SPON1: variants seen among roughly 807,000 people sequenced by gnomAD.
The protein encoded by SPON1 is spondin 1, also known as spondin-1.
SPON1 carries 52 observed loss-of-function variants against 111.7 expected under a neutral mutation model. The observed-to-expected ratio is 0.47, with a 90% CI of 0.37 to 0.59. SPON1 has a LOEUF of 0.59. SPON1 is among the 20% of genes least tolerant of loss of function. SPON1 has a pLI of 0.00. For missense variants in SPON1, 957 were observed against 1,068.5 expected, an observed-to-expected ratio of 0.90 and a Z score of 1.46; for synonymous variants, 410 against 395.8, an observed-to-expected ratio of 1.04 and a Z score of -0.43.
At position 14,172,677 on chromosome 11, in the gene SPON1, G is replaced by A. The variant is rs529297568; in HGVS notation, c.825+37109G>A. Among the ~76,000 whole-genome samples, 7 of 151,776 alleles carry A rather than the reference G, an allele frequency of 4.6e-5. No homozygotes were observed. In the East Asian group the frequency reaches 1.4e-3, roughly 29 times the overall value. On this transcript the variant is annotated intron_variant, in intron 6 of 15. Transcript: ENST00000576479. Reference sequence around the variant, plus strand: ...AGTGCTTCCTTCAGGAGCTCTTTTAGGGCAGGCCTGGTGGTGACAAAATCT... The same window carrying A: ...AGTGCTTCCTTCAGGAGCTCTTTTAAGGCAGGCCTGGTGGTGACAAAATCT...
At chr11:14,246,468 G>C (rs191432970) in intron 7 of SPON1, among the ~76,000 whole-genome samples, 1 of 152,072 alleles carries the variant, frequency 6.6e-6, no homozygotes, top group South Asian at 2.1e-4. Flanking sequence ...ACTATAACAC[G>C]ATCCTTCCAA....
chr11:14,145,930 T>A (rs1277242601), intron 6 of SPON1, among the ~76,000 whole-genome samples: 1 of 152,144 alleles, frequency 6.6e-6, no homozygotes, highest in Non-Finnish European at 1.5e-5. Context: ...GAACAGTGTG[T>A]ATAGCTTGAT....
At chr11:14,093,307 A>G (rs1554923582) in intron 5 of SPON1, among the ~76,000 whole-genome samples, 4 of 152,230 alleles carry the variant, frequency 2.6e-5, no homozygotes, top group African/African-American at 4.8e-5. Flanking sequence ...GAGGCTGGAG[A>G]CATGCCCATT....
intron 6 of SPON1, among the ~76,000 whole-genome samples, chr11:14,179,796 TA>T (rs576906977): frequency 5.4e-4 from 80 of 148,462 alleles, no homozygotes; most frequent in South Asian, 8.5e-4. Flanking sequence ...CAGTAGCACT[TA>T]AAAAAAAAAA....
At chr11:14,006,999 G>A (rs73420248) in intron 2 of SPON1, among the ~76,000 whole-genome samples, 5,781 of 152,166 alleles carry the variant, frequency 0.038, 365 homozygotes, top group African/African-American at 0.13. Context: ...ACTCCCTCTG[G>A]GGGCTCTAGG....
Position 14,259,338 on chromosome 11 carries a change from C to T in SPON1, c.1551C>T (p.Cys517=), listed in dbSNP as rs782174494. The T allele has an allele frequency of 8.7e-6, 14 of 1,613,056 alleles. No homozygotes were observed. The highest frequency in any genetic ancestry group is 3.3e-5 in the Admixed American group (2 of 59,932). ...WITWSPCSIS[C]GMGMRSRERY... ...CCTGGTCGCCCTGCAGCATCTCCTG[C>T]GGCATGGGCATGAGGTCCCGGGAGA... Residue 517 remains cysteine, a synonymous_variant, in exon 12 of 16, where the codon TGC becomes TGT. Coordinates refer to ENST00000576479, the MANE Select transcript of SPON1 (RefSeq NM_006108.4). The surrounding 1 kb of genome is among the most constrained non-coding windows in gnomAD (Gnocchi z 5.0).
At chr11:14,139,299 G>A (rs1847624697) in intron 6 of SPON1, among the ~76,000 whole-genome samples, 1 of 152,154 alleles carries the variant, frequency 6.6e-6, no homozygotes, top group African/African-American at 2.4e-5. Context: ...CATCCCTTAG[G>A]ACTTAGCTTA....
At chr11:13,970,986 A>G (rs1420298102) in intron 1 of SPON1, among the ~76,000 whole-genome samples, 1 of 152,186 alleles carries the variant, frequency 6.6e-6, no homozygotes, top group East Asian at 1.9e-4. Context: ...GCATTAAATC[A>G]TTATTTGTTG....
chr11:14,021,016 T>C (rs1290019958), intron 2 of SPON1, among the ~76,000 whole-genome samples: 1 of 152,188 alleles, frequency 6.6e-6, no homozygotes, highest in African/African-American at 2.4e-5. Flanking sequence ...TTTAAAAGAT[T>C]GTTTATAAGA....
chr11:14,141,992 G>C (rs1452347840), intron 6 of SPON1, among the ~76,000 whole-genome samples: 1 of 152,142 alleles, frequency 6.6e-6, no homozygotes, highest in Non-Finnish European at 1.5e-5. Flanking sequence ...CATTGCCTCT[G>C]AATCAAGATT....
At chr11:13,973,099 G>C (rs549581296) in intron 1 of SPON1, among the ~76,000 whole-genome samples, 2 of 152,250 alleles carry the variant, frequency 1.3e-5, no homozygotes, top group South Asian at 4.2e-4. Flanking sequence ...TGACAGGGAG[G>C]ATAGCTGCCA....
At chr11:14,260,375 C>A (rs1849158135) in intron 13 of SPON1, among the ~76,000 whole-genome samples, 1 of 151,986 alleles carries the variant, frequency 6.6e-6, no homozygotes, top group South Asian at 2.1e-4. Context: ...CGGGGGGGGT[C>A]AGCAGGGAGA....
chr11:14,209,680 G>A (rs1469388166), intron 6 of SPON1, among the ~76,000 whole-genome samples: 1 of 152,140 alleles, frequency 6.6e-6, no homozygotes, highest in Non-Finnish European at 1.5e-5. Context: ...ATTTGGGTTG[G>A]TTCCAAGTCT....
chr11:14,117,541 A>G (rs782146125), intron 5 of SPON1, among the ~76,000 whole-genome samples: 6 of 152,174 alleles, frequency 3.9e-5, no homozygotes, highest in South Asian at 2.1e-4. Flanking sequence ...TTGTTATTAT[A>G]TAGCATACTT....
intron 2 of SPON1, among the ~76,000 whole-genome samples, chr11:14,007,215 G>A (rs570138043): frequency 6.6e-5 from 10 of 152,292 alleles, no homozygotes; most frequent in Admixed American, 4.6e-4. Context: ...ATTGAATGCC[G>A]CCACTTACTT....
intron 3 of SPON1, among the ~76,000 whole-genome samples, chr11:14,042,159 G>T (rs2133813981): frequency 6.6e-6 from 1 of 152,188 alleles, no homozygotes; most frequent in South Asian, 2.1e-4. Context: ...CTTTCAGTGA[G>T]TTATAATAGG....
At chr11:14,012,463 T>C (rs1848412977) in intron 2 of SPON1, among the ~76,000 whole-genome samples, 1 of 152,192 alleles carries the variant, frequency 6.6e-6, no homozygotes, top group Non-Finnish European at 1.5e-5. Context: ...AACTTAGTTA[T>C]GCCAAGCATA....
At chr11:13,979,904 C>T (rs1161241920) in intron 1 of SPON1, among the ~76,000 whole-genome samples, 2 of 152,200 alleles carry the variant, frequency 1.3e-5, no homozygotes, top group Non-Finnish European at 2.9e-5. Context: ...GAGTCTAAGA[C>T]TGCTTTTTGG....
intron 6 of SPON1, among the ~76,000 whole-genome samples, chr11:14,162,860 G>A (rs1261686980): frequency 1.3e-5 from 2 of 152,164 alleles, no homozygotes; most frequent in East Asian, 1.9e-4. Context: ...TCATCCGGAT[G>A]CCCTAGCTCT....
Sources: allele counts gnomAD v4.1 joint callset (sites outside exome capture counted in the v4.1 genomes callset), GRCh38; gene constraint gnomAD v4.1.1; non-coding constraint Gnocchi (gnomAD v3.1); transcripts MANE v1.5; gene names NCBI Gene and HGNC (gene_info 2026-07-23, HGNC 2026-07-21).